The following PAN2 variants were observed in gnomAD, a reference collection of about 807,000 sequenced individuals.
PAN2 encodes PAN2-PAN3 deadenylation complex catalytic subunit PAN2.
A neutral mutation model predicts 133.3 loss-of-function variants in PAN2; 68 were observed. That is an observed-to-expected ratio of 0.51 (90% CI 0.42 to 0.62). The LOEUF (loss-of-function observed/expected upper bound fraction) is 0.62, where lower values mean the gene tolerates loss of function less well. Among genes scored for constraint, PAN2 ranks in the 20% least tolerant of loss-of-function variants. PAN2 has a pLI of 0.00. For synonymous variants in PAN2, 462 were observed against 544.6 expected, an observed-to-expected ratio of 0.85 and a Z score of 2.11; for missense variants, 1,042 against 1,500.5, an observed-to-expected ratio of 0.69 and a Z score of 5.05.
At chr12:56,323,976 C>T (rs1874845416) in intron 13 of PAN2, 63 bp from the exon 14 acceptor site, 2 of 1,608,918 alleles carry the variant, frequency 1.2e-6, no homozygotes, top group African/African-American at 1.3e-5. Context: ...GTCCCCAACA[C>T]CCTCTCCCTG....
chr12:56,327,723 C>A, intron 5 of PAN2, 92 bp from the exon 6 acceptor site: 1 of 1,435,930 alleles, frequency 7.0e-7, no homozygotes, highest in South Asian at 1.3e-5. Context: ...ACCAAAGGAA[C>A]TAGGGCTTTA....
rs1234468537 is a variant in PAN2 at position 56,333,100 on chromosome 12, C to T, written c.-6G>A. ...TCCAGACCCTCAAAGTTCATGATGA[C>T]GATGGCAGCTTACACCTGTGTCACA... On this transcript the variant is annotated 5_prime_UTR_variant, in exon 2 of 26. Transcript: ENST00000440411. 2.5e-6 allele frequency: 4 copies of T among 1,612,354 alleles called. No individual in the cohort carries two copies. Among genetic ancestry groups the T allele is most frequent in the South Asian group, 1.1e-5 (1 of 91,050 alleles).
At chr12:56,330,345 G>C (rs1041294310) in intron 2 of PAN2, among the ~76,000 whole-genome samples, 24 of 130,396 alleles carry the variant, frequency 1.8e-4, no homozygotes, top group African/African-American at 6.6e-4. Flanking sequence ...TTACTCAACT[G>C]TATTTTTCTT....
intron 6 of PAN2, among the ~76,000 whole-genome samples, 183 bp from the exon 7 acceptor site, chr12:56,327,142 T>C (rs1014755401): frequency 2.0e-5 from 3 of 152,220 alleles, no homozygotes; most frequent in Non-Finnish European, 4.4e-5. Context: ...AAAGAGCAAT[T>C]CTACAGTTAT....
chr12:56,322,844 T>G, intron 17 of PAN2, 86 bp from the exon 18 acceptor site: 2 of 1,384,730 alleles, frequency 1.4e-6, no homozygotes, highest in Non-Finnish European at 2.0e-6. Context: ...GAGTTGGGGG[T>G]ATGGGGGATG....
intron 1 of PAN2, 148 bp from the exon 2 acceptor site, chr12:56,333,356 G>A (rs1876120936): frequency 5.8e-6 from 3 of 517,582 alleles, no homozygotes; most frequent in Non-Finnish European, 1.1e-5. Flanking sequence ...GGAGGGATGG[G>A]CAGTGGGGGT....
chr12:56,322,886 C>G, intron 17 of PAN2, 128 bp from the exon 18 acceptor site: 1 of 1,240,312 alleles, frequency 8.1e-7, no homozygotes, highest in Non-Finnish European at 1.1e-6. Context: ...CCATCCTAGC[C>G]CATCTAGGAC....
Position 56,321,949 on chromosome 12 carries a change from T to A in PAN2, c.2788+129A>T, listed in dbSNP as rs1269296196. ...AAATTTAAGGTCTGATGAGCAGGAATCTCTTTAGTATCTCCAGAAATATTA... is the reference window on the plus strand; with the variant it reads ...AAATTTAAGGTCTGATGAGCAGGAAACTCTTTAGTATCTCCAGAAATATTA... On this transcript the variant is annotated intron_variant, in intron 20 of 25. Coordinates refer to ENST00000440411, the MANE Select transcript of PAN2 (RefSeq NM_014871.6). 1.2e-5 allele frequency: 7 copies of A among 562,796 alleles called. No individual in the cohort carries two copies. The Admixed American group carries it at 1.9e-4, about 15-fold the overall frequency. The allele number at this position is 562,796 out of a possible 1,614,324, so 34.9% of individuals were successfully genotyped here. A position where few individuals can be genotyped will look rare whatever the true frequency, so the allele number is the denominator to read the frequency against.
At position 56,324,377 on chromosome 12, in the gene PAN2, C is replaced by T. The variant is rs1334787151; in HGVS notation, c.1845G>A (p.Arg615=). Residue 615 remains arginine (R), a synonymous_variant, in exon 12 of 26, where the codon AGG becomes AGA. Coordinates refer to ENST00000440411, the MANE Select transcript of PAN2 (RefSeq NM_014871.6). The part of the protein sequence containing the change: ...GKGNLARLIQ[R]WNRFILTQLH... ...GTTGAGTGAGAATGAAGCGATTCCACCTCTGAATGAGCCTGGCCAGATTGC... is the reference window on the plus strand; with the variant it reads ...GTTGAGTGAGAATGAAGCGATTCCATCTCTGAATGAGCCTGGCCAGATTGC... The T allele has an allele frequency of 2.5e-6, 4 of 1,614,092 alleles. No homozygotes were observed. Among genetic ancestry groups the T allele is most frequent in the Non-Finnish European group, 3.4e-6 (4 of 1,180,054 alleles).
rs866945560 is a variant in PAN2, at chr12:56,324,446, G to T, written c.1776C>A (p.Ala592=). 6.2e-6 allele frequency: 10 copies of T among 1,614,160 alleles called. No individual in the cohort carries two copies. In the Middle Eastern group the frequency reaches 1.6e-3, roughly 266 times the overall value. ...RAFRTIPEAS[A]LGLILADSDE... ...CTGAGTCAGCCAGGATTAGACCGAG[G>T]GCTGAGGCCTCAGGAATAGTACGGA... The change falls in exon 12 of 26, where the codon GCC becomes GCA. Residue 592 remains alanine, a synonymous_variant. Coordinates refer to ENST00000440411, the MANE Select transcript of PAN2 (RefSeq NM_014871.6).
intron 20 of PAN2, among the ~76,000 whole-genome samples, chr12:56,321,719 T>C (rs898046066): frequency 7.3e-5 from 11 of 150,934 alleles, no homozygotes; most frequent in Non-Finnish European, 1.5e-4. Flanking sequence ...GGTGTGGTGG[T>C]GGGCGTCTGT....
chr12:56,323,002 T>C, intron 17 of PAN2, 60 bp downstream of exon 17: 1 of 1,601,636 alleles, frequency 6.2e-7, no homozygotes, highest in Non-Finnish European at 8.5e-7. Flanking sequence ...CTGCCCTCCT[T>C]TACCTTCTGC....
At chr12:56,320,403 C>T (rs1456634871) in intron 20 of PAN2, among the ~76,000 whole-genome samples, 2 of 151,926 alleles carry the variant, frequency 1.3e-5, no homozygotes, top group African/African-American at 2.4e-5. Flanking sequence ...TTTGGGAGGC[C>T]GAGGCGGGCG....
chr12:56,330,362 T>C (rs868138725), intron 2 of PAN2, among the ~76,000 whole-genome samples: 3 of 100,780 alleles, frequency 3.0e-5, no homozygotes, highest in Non-Finnish European at 4.2e-5. Context: ...TCTTTTTTTT[T>C]TTTTTTTTTT....
intron 7 of PAN2, 46 bp downstream of exon 7, chr12:56,326,571 C>T: frequency 6.4e-7 from 1 of 1,555,730 alleles, no homozygotes; most frequent in Non-Finnish European, 8.7e-7. Flanking sequence ...GTATCTTGGC[C>T]CTTTCCCTGT....
chr12:56,325,790 G>A lies in PAN2; in HGVS notation c.1360-336C>T, dbSNP rs374748828. ...AATCTGGCCACTTCTAATTTTAATC[G>A]CTCACTACATCCCAATACCAACAGC... On this transcript the variant is annotated intron_variant, in intron 8 of 25. Transcript: ENST00000440411. Among the ~76,000 whole-genome samples the A allele has an allele frequency of 5.3e-5, 8 of 152,152 alleles. No individual in the cohort carries two copies. The East Asian group carries it at 9.6e-4, about 18-fold the overall frequency.
rs1875313012 is a variant in PAN2, at chr12:56,328,005, G to A, written c.641C>T (p.Thr214Met). 1.2e-6 allele frequency: 2 copies of A among 1,613,918 alleles called. No individual in the cohort carries two copies. Among genetic ancestry groups the A allele is most frequent in the Non-Finnish European group, 1.7e-6 (2 of 1,179,868 alleles). Reference protein sequence around the residue: ...QTNRFFFCGHTSGKVSLRDLR... With the variant: ...QTNRFFFCGHMSGKVSLRDLR... ...ATGGAACTTGGCCACCTTGCCAGAC[G>A]TGTGGCCGCAGAAGAAGAAGCGATT... is the stretch of plus-strand genomic sequence containing the variant. The change falls in exon 5 of 26, where the codon ACG (threonine) becomes ATG (methionine). Residue 214 changes from threonine to methionine, a missense_variant. Coordinates refer to ENST00000440411, the MANE Select transcript of PAN2 (RefSeq NM_014871.6).
In PAN2 at chr12:56,329,192, T is replaced by G. The variant is rs111612939; in HGVS notation, c.283-551A>C. Among the ~76,000 whole-genome samples, 9 of 152,266 alleles carry G rather than the reference T, an allele frequency of 5.9e-5. 1 individual carries two copies. Among genetic ancestry groups the G allele is most frequent in the African/African-American group, 1.9e-4 (8 of 41,538 alleles). ...AAACTCATGACATCCTAAATTAAAT[T>G]CACCATTTTTATTTCTATTTTTCTT... is the stretch of plus-strand genomic sequence containing the variant. On this transcript the variant is annotated intron_variant, in intron 2 of 25. Transcript: ENST00000440411.
chr12:56,321,787 G>T (rs1242398468), intron 20 of PAN2, among the ~76,000 whole-genome samples: 1 of 151,018 alleles, frequency 6.6e-6, no homozygotes, highest in Non-Finnish European at 1.5e-5. Flanking sequence ...GGAGGCAGAG[G>T]TTGCAGTGAG....
Sources: gnomAD v4.1 joint callset for allele counts (sites outside exome capture counted in the v4.1 genomes callset) on GRCh38, gnomAD v4.1.1 for gene constraint, MANE v1.5 for transcripts, NCBI Gene and HGNC (gene_info 2026-07-23, HGNC 2026-07-21) for gene names.